Variants in MGST1 observed in about 807,000 individuals in gnomAD.
MGST1 encodes the protein glutathione S-transferase 12.
In MGST1, 5 loss-of-function variants were observed where a neutral mutation model predicts 8.9. The ratio of observed to expected loss-of-function variants is 0.56; its 90% CI spans 0.29 to 1.19. The LOEUF (loss-of-function observed/expected upper bound fraction) is 1.19. Ranked by LOEUF, MGST1 falls within the 50% of genes most tolerant of loss-of-function variation. MGST1 has a pLI of 0.08. For synonymous variants in MGST1, 54 were observed against 67.8 expected, an observed-to-expected ratio of 0.80 and a Z score of 1.00; for missense variants, 182 against 187.4, an observed-to-expected ratio of 0.97 and a Z score of 0.17.
chr12:16,491,981 T>C (rs1248817207), intron 4 of MGST1, among the ~76,000 whole-genome samples: 1 of 152,228 alleles, frequency 6.6e-6, no homozygotes, highest in East Asian at 1.9e-4. Flanking sequence ...TGGCTTTCTA[T>C]ATTGTTACAT....
intron 4 of MGST1, chr12:16,573,791 C>CG (rs945637314): frequency 1.5e-4 from 23 of 152,240 alleles, no homozygotes; most frequent in East Asian, 1.2e-3. Context: ...AGAAGTTGAT[C>CG]GGGGGTAGAG....
intron 4 of MGST1, among the ~76,000 whole-genome samples, chr12:16,461,448 C>T (rs952086529): frequency 3.9e-5 from 6 of 152,140 alleles, no homozygotes; most frequent in African/African-American, 1.4e-4. Flanking sequence ...ACTTCTTATG[C>T]TAACACTTGC....
intron 3 of MGST1, among the ~76,000 whole-genome samples, chr12:16,371,497 C>G (rs991505295): frequency 2.0e-5 from 3 of 151,924 alleles, no homozygotes; most frequent in Admixed American, 6.6e-5. Context: ...GTCTGTGGGC[C>G]AAATCTGACC....
At chr12:16,433,403 C>T (rs1940956388) in intron 1 of MGST1, among the ~76,000 whole-genome samples, 1 of 152,074 alleles carries the variant, frequency 6.6e-6, no homozygotes, top group Non-Finnish European at 1.5e-5. Flanking sequence ...TCAACATTAA[C>T]CATCACAGTG....
intron 4 of MGST1, among the ~76,000 whole-genome samples, chr12:16,507,327 T>C (rs1277527176): frequency 6.6e-6 from 1 of 152,154 alleles, no homozygotes; most frequent in Non-Finnish European, 1.5e-5. Context: ...AGGGGCAAGT[T>C]CATCAGAGGC....
intron 4 of MGST1, among the ~76,000 whole-genome samples, chr12:16,452,886 T>C (rs1565457616): frequency 6.6e-6 from 1 of 151,924 alleles, no homozygotes; most frequent in African/African-American, 2.4e-5. Context: ...AGGAAGGTTT[T>C]ATAAAAAGAT....
intron 4 of MGST1, among the ~76,000 whole-genome samples, chr12:16,498,949 A>G (rs1031603220): frequency 6.6e-5 from 10 of 152,194 alleles, no homozygotes; most frequent in African/African-American, 2.4e-4. Context: ...GGTTATACTA[A>G]GATACAAAGG....
chr12:16,538,860 G>A (rs955990761), intron 4 of MGST1, among the ~76,000 whole-genome samples: 21 of 151,924 alleles, frequency 1.4e-4, no homozygotes, highest in African/African-American at 4.8e-4. Flanking sequence ...CACCCACCTC[G>A]GCCTCCCAAA....
intron 3 of MGST1, among the ~76,000 whole-genome samples, chr12:16,374,256 G>A (rs1940345432): frequency 6.6e-6 from 1 of 151,990 alleles, no homozygotes; most frequent in Non-Finnish European, 1.5e-5. Flanking sequence ...TAACATCTTT[G>A]TTTTTTCCTG....
Position 16,551,055 on chromosome 12 carries a change from A to G in MGST1, n.483-38473A>G, listed in dbSNP as rs142180808. 153 of 534,782 alleles carry G rather than the reference A, an allele frequency of 2.9e-4. No individual in the cohort carries two copies. In the East Asian group the frequency reaches 4.1e-3, roughly 14 times the overall value. 33.1% of individuals were successfully genotyped at this position (534,782 alleles called of 1,614,324 possible). On this transcript the variant is annotated intron_variant and non_coding_transcript_variant, in intron 4 of 4. Transcript: ENST00000538857. ...TAAACATTCAACTCTGAACTGGGGC[A>G]ATTTCACTACATACAGATGCAGTCC...
intron 4 of MGST1, among the ~76,000 whole-genome samples, chr12:16,522,886 T>G (rs1028725364): frequency 1.3e-5 from 2 of 152,022 alleles, no homozygotes; most frequent in Admixed American, 6.5e-5. Flanking sequence ...TCAAGCTGTA[T>G]CTCAAGACAG....
chr12:16,574,030 C>G (rs567078641), intron 4 of MGST1: 2 of 152,250 alleles, frequency 1.3e-5, no homozygotes, highest in African/African-American at 2.4e-5. Context: ...TCCGCTTCCC[C>G]GCTTCCCCGA....
chr12:16,411,976 T>C (rs972029522), intron 1 of MGST1, among the ~76,000 whole-genome samples: 2 of 152,162 alleles, frequency 1.3e-5, no homozygotes. Context: ...GTTGTAAGGA[T>C]AACAAGAGTT....
At chr12:16,375,876 C>T (rs946841397) in intron 3 of MGST1, among the ~76,000 whole-genome samples, 1 of 151,790 alleles carries the variant, frequency 6.6e-6, no homozygotes, top group Non-Finnish European at 1.5e-5. Flanking sequence ...TGATGCTATT[C>T]AATACAACTA....
chr12:16,436,998 A>G (rs1005710807), intron 1 of MGST1, among the ~76,000 whole-genome samples: 1 of 152,026 alleles, frequency 6.6e-6, no homozygotes, highest in South Asian at 2.1e-4. Flanking sequence ...AGTAATAAAG[A>G]CATTAAAATT....
rs534822740 is a variant in MGST1, at chr12:16,537,729, T to G, written n.483-51799T>G. Among the ~76,000 whole-genome samples the G allele has an allele frequency of 2.2e-4, 34 of 152,216 alleles. No homozygotes were observed. Among genetic ancestry groups the G allele is most frequent in the Non-Finnish European group, 4.4e-4 (30 of 68,038 alleles). On this transcript the variant is annotated intron_variant and non_coding_transcript_variant, in intron 4 of 4. Coordinates refer to the MGST1 transcript ENST00000538857. This position sits in a 1 kb window ranked among gnomAD's most constrained non-coding sequence, Gnocchi z 4.6. ...CTCAAACCATGAGCTGAGCTGTACC[T>G]TGGCCACTTTTAACAACAGCTGGAG... is the stretch of plus-strand genomic sequence containing the variant.
intron 4 of MGST1, among the ~76,000 whole-genome samples, chr12:16,556,075 C>T (rs1459815993): frequency 6.6e-6 from 1 of 152,110 alleles, no homozygotes; most frequent in East Asian, 1.9e-4. Flanking sequence ...ACCTCAGCTT[C>T]CACAGAGCCT....
At position 16,410,585 on chromosome 12, in the gene MGST1, A is replaced by G. The variant is rs917169977; in HGVS notation, n.779-26803A>G. Reference sequence around the variant, plus strand: ...ATATGTACGTAATATATATTTTTACACATACATATTAATGTTTATATATTA... The same window carrying G: ...ATATGTACGTAATATATATTTTTACGCATACATATTAATGTTTATATATTA... On this transcript the variant is annotated intron_variant and non_coding_transcript_variant, in intron 1 of 1. Coordinates refer to the MGST1 transcript ENST00000359720. The surrounding 1 kb of genome is among the most constrained non-coding windows in gnomAD (Gnocchi z 4.4). 6.7e-6 allele frequency among the ~76,000 whole-genome samples: 1 copy of G among 148,588 alleles called. No individual in the cohort carries two copies. The highest frequency in any genetic ancestry group is 2.4e-5 in the African/African-American group (1 of 40,896).
chr12:16,483,062 A>G (rs1435194485), intron 4 of MGST1, among the ~76,000 whole-genome samples: 3 of 152,244 alleles, frequency 2.0e-5, no homozygotes, highest in Admixed American at 2.0e-4. Context: ...CCCTATAAGC[A>G]TTTATCTGGA....
Sources: gnomAD v4.1 joint callset for allele counts (sites outside exome capture counted in the v4.1 genomes callset) on GRCh38, gnomAD v4.1.1 for gene constraint, Gnocchi (gnomAD v3.1) non-coding constraint, MANE v1.5 for transcripts, NCBI Gene and HGNC (gene_info 2026-07-23, HGNC 2026-07-21) for gene names.